Variants in TYW1B observed in about 807,000 individuals in gnomAD.
The protein encoded by TYW1B is tRNA-yW synthesizing protein 1 homolog B, also known as S-adenosyl-L-methionine-dependent tRNA 4-demethylwyosine synthase TYW1B.
TYW1B carries 73 observed loss-of-function variants against 86.9 expected under a neutral mutation model. That is an observed-to-expected ratio of 0.84 (90% confidence interval 0.70 to 1.02). The LOEUF is 1.02. Among genes scored for constraint, TYW1B ranks in the 50% least tolerant of loss-of-function variants. The pLI, the probability that TYW1B is intolerant of heterozygous loss-of-function variation, is 0.00. For synonymous variants in TYW1B, 248 were observed against 292.8 expected (o/e 0.85, Z 1.56); for missense variants, 637 against 827.4 (o/e 0.77, Z 2.82).
chr7:72,575,780 T>C, intron 13 of TYW1B, 61 bp from the exon 14 acceptor site: 1 of 1,579,980 alleles, frequency 6.3e-7, no homozygotes, highest in Admixed American at 1.9e-5. Flanking sequence ...AAAAAATGAA[T>C]GTTTTTAAAA....
intron 13 of TYW1B, among the ~76,000 whole-genome samples, chr7:72,613,804 T>A (rs1328173598): frequency 5.9e-5 from 9 of 152,118 alleles, no homozygotes; most frequent in Admixed American, 3.3e-4. Flanking sequence ...CAAGCTGATC[T>A]GACAAAATTT....
chr7:72,736,659 T>C (rs1165840535), intron 8 of TYW1B, among the ~76,000 whole-genome samples: 4 of 152,204 alleles, frequency 2.6e-5, no homozygotes, highest in African/African-American at 9.7e-5. Context: ...AGGCAACCAC[T>C]AATCTACTTT....
chr7:72,728,064 A>C (rs1787034948), intron 9 of TYW1B, among the ~76,000 whole-genome samples: 1 of 152,188 alleles, frequency 6.6e-6, no homozygotes, highest in African/African-American at 2.4e-5. Context: ...ATTAGATGGA[A>C]GAAACTGTTA....
At chr7:72,579,041 A>G (rs1811088104) in intron 13 of TYW1B, among the ~76,000 whole-genome samples, 1 of 151,968 alleles carries the variant, frequency 6.6e-6, no homozygotes, top group Non-Finnish European at 1.5e-5. Context: ...TGAGCAATAC[A>G]ATGGACTTAA....
At chr7:72,637,051 G>C (rs1812685953) in intron 11 of TYW1B, among the ~76,000 whole-genome samples, 1 of 152,056 alleles carries the variant, frequency 6.6e-6, no homozygotes, top group South Asian at 2.1e-4. Context: ...TTGAGCCCAG[G>C]AGGTGGAGGT....
chr7:72,664,527 A>C (rs1173520264), intron 11 of TYW1B, among the ~76,000 whole-genome samples: 1 of 152,172 alleles, frequency 6.6e-6, no homozygotes, highest in African/African-American at 2.4e-5. Flanking sequence ...ACATGCTCTC[A>C]CTTATAAGTG....
intron 7 of TYW1B, among the ~76,000 whole-genome samples, chr7:72,753,605 A>C (rs959797853): frequency 6.7e-5 from 10 of 150,264 alleles, no homozygotes; most frequent in Non-Finnish European, 1.5e-4. Flanking sequence ...TTCAGCCTCC[A>C]GAGTAGCTGG....
chr7:72,811,068 G>A (rs1390834318), intron 3 of TYW1B, among the ~76,000 whole-genome samples: 5 of 151,736 alleles, frequency 3.3e-5, no homozygotes, highest in Admixed American at 2.6e-4. Context: ...TCAGGAGATC[G>A]AGACCATCCT....
At chr7:72,710,956 A>G (rs1205040552) in intron 10 of TYW1B, among the ~76,000 whole-genome samples, 1 of 152,150 alleles carries the variant, frequency 6.6e-6, no homozygotes, top group East Asian at 1.9e-4. Context: ...GTCACCTCGG[A>G]CAAACCCCGC....
intron 11 of TYW1B, among the ~76,000 whole-genome samples, chr7:72,655,752 C>T (rs1158507091): frequency 6.6e-6 from 1 of 152,342 alleles, no homozygotes; most frequent in East Asian, 1.9e-4. Flanking sequence ...CCTGCATACA[C>T]CTTCAGGTGC....
chr7:72,667,591 G>A (rs1461940614), intron 11 of TYW1B, among the ~76,000 whole-genome samples: 1 of 152,142 alleles, frequency 6.6e-6, no homozygotes, highest in Non-Finnish European at 1.5e-5. Context: ...ACACAGGCCT[G>A]TAGTCCCAGC....
intron 2 of TYW1B, among the ~76,000 whole-genome samples, chr7:72,821,357 T>A (rs782214548): frequency 1.3e-5 from 2 of 152,206 alleles, no homozygotes; most frequent in Non-Finnish European, 2.9e-5. Flanking sequence ...ACACAAAAAA[T>A]ACTACTGCAA....
intron 6 of TYW1B, among the ~76,000 whole-genome samples, chr7:72,793,734 G>A (rs1285367869): frequency 2.0e-5 from 3 of 146,570 alleles, no homozygotes; most frequent in African/African-American, 7.6e-5. Context: ...CAGCCTTGGC[G>A]ACAGAACGAG....
At chr7:72,758,159 G>A (rs141319588) in intron 7 of TYW1B, among the ~76,000 whole-genome samples, 3,136 of 152,238 alleles carry the variant, frequency 0.021, 131 homozygotes, top group African/African-American at 0.072. Context: ...GGCAGAGGTT[G>A]CAGTGAGCCG....
chr7:72,705,352 A>T (rs114281885), intron 10 of TYW1B, among the ~76,000 whole-genome samples: 1 of 152,366 alleles, frequency 6.6e-6, no homozygotes, highest in African/African-American at 2.4e-5. Context: ...CAAAACAGAA[A>T]TACAGAAGCA....
chr7:72,706,645 C>T (rs1554453711), intron 10 of TYW1B, among the ~76,000 whole-genome samples: 2 of 152,056 alleles, frequency 1.3e-5, no homozygotes, highest in Non-Finnish European at 2.9e-5. Context: ...ATAAGAAAAT[C>T]AACCGTGCAA....
intron 11 of TYW1B, among the ~76,000 whole-genome samples, chr7:72,632,362 T>TA (rs2129568801): frequency 8.5e-6 from 1 of 118,018 alleles, no homozygotes; most frequent in African/African-American, 3.7e-5. Flanking sequence ...ATATTATATA[T>TA]ATACGCATAT....
At chr7:72,746,482 C>T (rs1425952826) in intron 7 of TYW1B, among the ~76,000 whole-genome samples, 8 of 152,202 alleles carry the variant, frequency 5.3e-5, no homozygotes, top group African/African-American at 1.9e-4. Context: ...ACTTCAATCA[C>T]TATTGATTAA....
intron 6 of TYW1B, among the ~76,000 whole-genome samples, chr7:72,797,386 C>A: frequency 6.6e-6 from 1 of 152,276 alleles, no homozygotes; most frequent in East Asian, 1.9e-4. Context: ...TTGAGGAACA[C>A]ACTGATGTGC....
Sources: gnomAD v4.1 joint callset for allele counts (sites outside exome capture counted in the v4.1 genomes callset) on GRCh38, gnomAD v4.1.1 for gene constraint, MANE v1.5 for transcripts, NCBI Gene and HGNC (gene_info 2026-07-23, HGNC 2026-07-21) for gene names.